The following BCAR3 variants were observed in gnomAD, a reference collection of about 807,000 sequenced individuals.
The protein encoded by BCAR3 is BCAR3 adaptor protein, NSP family member.
A neutral mutation model predicts 80.1 loss-of-function variants in BCAR3; 37 were observed. The ratio of observed to expected loss-of-function variants is 0.46; its 90% CI spans 0.36 to 0.61. The LOEUF (loss-of-function observed/expected upper bound fraction) is 0.61, where lower values mean the gene tolerates loss of function less well. Among genes scored for constraint, BCAR3 ranks in the 20% least tolerant of loss-of-function variants. BCAR3 has a pLI of 0.00. For synonymous variants in BCAR3, 389 were observed against 418.9 expected, an observed-to-expected ratio of 0.93 and a Z score of 0.87; for missense variants, 978 against 1,068.2, an observed-to-expected ratio of 0.92 and a Z score of 1.18.
At chr1:93,634,364 T>C (rs60159857) in intron 3 of BCAR3, among the ~76,000 whole-genome samples, 5,241 of 152,160 alleles carry the variant, frequency 0.034, 132 homozygotes, top group East Asian at 0.12. Context: ...GTTCTCATGA[T>C]AGTGAATAAG....
intron 2 of BCAR3, among the ~76,000 whole-genome samples, chr1:93,777,564 G>A (rs1233936581): frequency 1.3e-5 from 2 of 150,766 alleles, no homozygotes; most frequent in African/African-American, 2.4e-5. Context: ...CTCCTCCACG[G>A]GCATGCACCA....
At chr1:93,644,979 A>C (rs1034194000) in intron 2 of BCAR3, among the ~76,000 whole-genome samples, 1 of 152,202 alleles carries the variant, frequency 6.6e-6, no homozygotes, top group African/African-American at 2.4e-5. Context: ...ATTAATCTCA[A>C]TTTGGCTTGA....
In BCAR3 at chr1:93,687,772, G is replaced by A. The variant is rs150833154; in HGVS notation, c.-11-12831C>T. Among the ~76,000 whole-genome samples the A allele has an allele frequency of 4.5e-3, 683 of 152,290 alleles. 1 individual carries two copies. Among genetic ancestry groups the A allele is most frequent in the Non-Finnish European group, 7.1e-3 (481 of 68,026 alleles). ...AAAGTAATTGGTTGAGTCCCATCCCGTAACAGCACTAATTAACAGGCAGCT... is the reference window on the plus strand; with the variant it reads ...AAAGTAATTGGTTGAGTCCCATCCCATAACAGCACTAATTAACAGGCAGCT... On this transcript the variant is annotated intron_variant, in intron 3 of 13. Transcript: ENST00000370244.
At chr1:93,637,610 A>G (rs1469875937) in intron 3 of BCAR3, among the ~76,000 whole-genome samples, 1 of 152,148 alleles carries the variant, frequency 6.6e-6, no homozygotes, top group Non-Finnish European at 1.5e-5. Context: ...GTGAACCATA[A>G]TGGATCACAG....
At chr1:93,682,351 T>C (rs1648822291), upstream of BCAR3, among the ~76,000 whole-genome samples, 1 of 152,206 alleles carries the variant, frequency 6.6e-6, no homozygotes, top group Non-Finnish European at 1.5e-5. Context: ...CACTATCTTA[T>C]ATCAAGATCC....
intron 3 of BCAR3, among the ~76,000 whole-genome samples, chr1:93,636,976 T>C (rs1336485986): frequency 6.6e-6 from 1 of 151,930 alleles, no homozygotes; most frequent in Non-Finnish European, 1.5e-5. Flanking sequence ...TCATCTGTGG[T>C]CCCAGTTACC....
At chr1:93,599,365 G>C (rs1674546533) in intron 3 of BCAR3, 1 of 152,212 alleles carries the variant, frequency 6.6e-6, no homozygotes, top group Non-Finnish European at 1.5e-5. Context: ...GATTATATCA[G>C]CCGGCAAACT....
intron 2 of BCAR3, among the ~76,000 whole-genome samples, chr1:93,758,780 A>G (rs1404388785): frequency 6.6e-6 from 1 of 152,188 alleles, no homozygotes; most frequent in Admixed American, 6.5e-5. Context: ...CCCCCTGGGT[A>G]TCACTGCCAC....
chr1:93,622,718 G>A (rs553542379), intron 3 of BCAR3, among the ~76,000 whole-genome samples: 6 of 152,248 alleles, frequency 3.9e-5, no homozygotes, highest in Admixed American at 2.0e-4. Flanking sequence ...ATTGACTGCC[G>A]GCCAGTTTCT....
In BCAR3 at chr1:93,582,718, G is replaced by T. The variant is rs779564364; in HGVS notation, c.1269C>A (p.Leu423=). The change falls in exon 7 of 12, where the codon CTC becomes CTA. Residue 423 remains leucine, a synonymous_variant. Transcript: ENST00000260502. ...GTTCACAGTAGTTGGCCTCTGAGTT[G>T]AGCCAGGCAGAGGGAGACGAGGGAA... ...LKVPSSPSAW[L]NSEANYCELN... 2 of 1,614,120 alleles carry T rather than the reference G, an allele frequency of 1.2e-6. No individual in the cohort carries two copies. The highest frequency in any genetic ancestry group is 1.7e-5 in the Admixed American group (1 of 60,016).
chr1:93,573,575 A>G (rs2101812069), intron 8 of BCAR3, among the ~76,000 whole-genome samples: 1 of 150,566 alleles, frequency 6.6e-6, no homozygotes, highest in African/African-American at 2.4e-5. Context: ...GTCTTTCTCA[A>G]TTAATGAATC....
At chr1:93,718,945 GC>G in intron 2 of BCAR3, among the ~76,000 whole-genome samples, 1 of 151,080 alleles carries the variant, frequency 6.6e-6, no homozygotes, top group East Asian at 1.9e-4. Flanking sequence ...CAAGCAATCC[GC>G]CCGCCTCGGC....
At chr1:93,841,172 T>A (rs1654947617) in intron 2 of BCAR3, among the ~76,000 whole-genome samples, 2 of 152,332 alleles carry the variant, frequency 1.3e-5, no homozygotes, top group Middle Eastern at 6.8e-3. Context: ...TAGCCTTGCA[T>A]TTGAAGCGCT....
chr1:93,622,227 T>C (rs185257101), intron 3 of BCAR3, among the ~76,000 whole-genome samples: 2 of 152,332 alleles, frequency 1.3e-5, no homozygotes, highest in East Asian at 3.9e-4. Context: ...AGAGAACTTT[T>C]ACCATGGTGT....
chr1:93,614,859 A>T (rs943018206), intron 3 of BCAR3, among the ~76,000 whole-genome samples: 3 of 151,780 alleles, frequency 2.0e-5, no homozygotes, highest in Non-Finnish European at 4.4e-5. Flanking sequence ...CTGCACACAA[A>T]CCTCGCATCC....
chr1:93,819,026 C>T (rs1194393929), intron 2 of BCAR3, among the ~76,000 whole-genome samples: 2 of 150,924 alleles, frequency 1.3e-5, no homozygotes, highest in Admixed American at 1.3e-4. Flanking sequence ...GAGATAGAAG[C>T]AATGATCCAC....
chr1:93,602,739 C>G (rs755595710), intron 3 of BCAR3, among the ~76,000 whole-genome samples: 18 of 152,118 alleles, frequency 1.2e-4, no homozygotes, highest in Non-Finnish European at 2.5e-4. Context: ...GATCATGAAC[C>G]CAAAGAATGA....
chr1:93,567,102 C>T (rs1046886809), intron 11 of BCAR3, among the ~76,000 whole-genome samples, 177 bp downstream of exon 11: 9 of 152,162 alleles, frequency 5.9e-5, no homozygotes, highest in African/African-American at 2.2e-4. Flanking sequence ...AGAAACAGGG[C>T]ACTTGAGTCA....
At chr1:93,583,303 A>G (rs187753648) in intron 6 of BCAR3, among the ~76,000 whole-genome samples, 78 of 152,272 alleles carry the variant, frequency 5.1e-4, no homozygotes, top group African/African-American at 1.8e-3. Context: ...ATCTTGCCCT[A>G]AGAAACAGAA....
Sources: gnomAD v4.1 joint callset for allele counts (sites outside exome capture counted in the v4.1 genomes callset) on GRCh38, gnomAD v4.1.1 for gene constraint, MANE v1.5 for transcripts, NCBI Gene and HGNC (gene_info 2026-07-23, HGNC 2026-07-21) for gene names.